Variants in LRRC7 observed in about 807,000 individuals in gnomAD.
The protein encoded by LRRC7 is leucine-rich repeat-containing protein 7.
A neutral mutation model predicts 175.7 loss-of-function variants in LRRC7; 23 were observed. That is an observed-to-expected ratio of 0.13 (90% CI 0.09 to 0.19). The LOEUF (loss-of-function observed/expected upper bound fraction) is 0.19. Among genes scored for constraint, LRRC7 ranks in the 10% least tolerant of loss-of-function variants. The pLI, the probability that LRRC7 is intolerant of heterozygous loss-of-function variation, is 1.00. For missense variants in LRRC7, 1,354 were observed against 1,904.7 expected, an observed-to-expected ratio of 0.71 and a Z score of 5.38; for synonymous variants, 685 against 680.9, an observed-to-expected ratio of 1.01 and a Z score of -0.09.
rs1451883549 is a variant in LRRC7, at chr1:70,128,047, C to G, written c.*6160C>G. ...CGCTATCTTGGCTCACTGTAACTTC[C>G]ACCTCCCGAGTTCAGGCAATTCTCA... On this transcript the variant is annotated 3_prime_UTR_variant, in exon 27 of 27. Transcript: ENST00000651989. Among the ~76,000 whole-genome samples the G allele has an allele frequency of 6.6e-6, 1 of 152,090 alleles. No homozygotes were observed. The highest frequency in any genetic ancestry group is 1.5e-5 in the Non-Finnish European group (1 of 68,028).
At chr1:69,597,099 C>G (rs747330919) in intron 1 of LRRC7, among the ~76,000 whole-genome samples, 32 of 152,098 alleles carry the variant, frequency 2.1e-4, no homozygotes, top group Non-Finnish European at 4.4e-4. Flanking sequence ...CTTATTGGAG[C>G]AGTAATCAAA....
At chr1:70,117,979 AT>A (rs1054229188) in intron 26 of LRRC7, among the ~76,000 whole-genome samples, 28 of 152,004 alleles carry the variant, frequency 1.8e-4, no homozygotes, top group Non-Finnish European at 3.4e-4. Flanking sequence ...ATATGCATTT[AT>A]TTTTTCAAAG....
intron 4 of LRRC7, among the ~76,000 whole-genome samples, chr1:69,797,028 C>G: frequency 6.6e-6 from 1 of 152,242 alleles, no homozygotes; most frequent in Non-Finnish European, 1.5e-5. Context: ...ATTTATTTCT[C>G]TGTTTGGAAC....
intron 3 of LRRC7, among the ~76,000 whole-genome samples, chr1:69,783,389 C>G (rs891329319): frequency 5.3e-5 from 8 of 152,168 alleles, no homozygotes; most frequent in African/African-American, 1.9e-4. Flanking sequence ...AGAAACTAAC[C>G]CACACTTAAG....
intron 1 of LRRC7, among the ~76,000 whole-genome samples, chr1:69,578,622 A>G (rs1646058450): frequency 6.6e-6 from 1 of 151,840 alleles, no homozygotes; most frequent in South Asian, 2.1e-4. Context: ...ATAAAAAATA[A>G]TGAGTTCATG....
At chr1:70,058,608 T>G (rs1393493369) in intron 23 of LRRC7, among the ~76,000 whole-genome samples, 4 of 152,230 alleles carry the variant, frequency 2.6e-5, no homozygotes, top group Admixed American at 2.0e-4. Context: ...CATAAGGCAT[T>G]GTGTTAAATG....
chr1:69,649,626 A>T (rs10889844), intron 1 of LRRC7, among the ~76,000 whole-genome samples: 13,815 of 152,266 alleles, frequency 0.091, 710 homozygotes, highest in Non-Finnish European at 0.1. Context: ...AAAGATGTCA[A>T]CAAAGAGACC....
intron 8 of LRRC7, among the ~76,000 whole-genome samples, chr1:69,961,788 A>G (rs1651115340): frequency 1.3e-5 from 2 of 152,240 alleles, no homozygotes. Context: ...CCATATGCAG[A>G]AAGTTGAAGC....
intron 7 of LRRC7, among the ~76,000 whole-genome samples, chr1:69,888,711 G>C (rs931940339): frequency 6.6e-6 from 1 of 152,060 alleles, no homozygotes. Flanking sequence ...CTCATTTATA[G>C]GTGGAATCTA....
intron 1 of LRRC7, among the ~76,000 whole-genome samples, chr1:69,651,452 G>T (rs1294315109): frequency 6.6e-6 from 1 of 152,116 alleles, no homozygotes; most frequent in South Asian, 2.1e-4. Context: ...ATCTACCAAA[G>T]TTATTTTTAA....
rs773313517 is a variant in LRRC7 at position 70,011,764 on chromosome 1, T to C, written c.1005-33T>C. 6.8e-6 allele frequency: 10 copies of C among 1,466,056 alleles called. No homozygotes were observed. The African/African-American group carries it at 1.3e-4, about 19-fold the overall frequency. The allele number at this position is 1,466,056 out of a possible 1,614,324, so 90.8% of individuals were successfully genotyped here. Reference sequence around the variant, plus strand: ...TCAAAACATTTTGCTATCTAACTTTTAAAATGTCTAACTAATGTATTTAAC... The same window carrying C: ...TCAAAACATTTTGCTATCTAACTTTCAAAATGTCTAACTAATGTATTTAAC... On this transcript the variant is annotated intron_variant, in intron 11 of 26. Coordinates refer to ENST00000651989, the MANE Select transcript of LRRC7 (RefSeq NM_001370785.2).
At position 70,122,769 on chromosome 1, in the gene LRRC7, C is replaced by G. The variant is rs17510099; in HGVS notation, c.*882C>G. 1,031 of 152,504 alleles carry G rather than the reference C, an allele frequency of 6.8e-3. 7 individuals are homozygous for G. The highest frequency in any genetic ancestry group is 0.011 in the Non-Finnish European group (716 of 67,936). The allele number at this position is 152,504 out of a possible 1,614,324, so 9.4% of individuals were successfully genotyped here. ...CTTTCAAGTTCATGTTGATTATAAACTGTAGCCCCTGTGATTTCTTTACTT... is the reference window on the plus strand; with the variant it reads ...CTTTCAAGTTCATGTTGATTATAAAGTGTAGCCCCTGTGATTTCTTTACTT... On this transcript the variant is annotated 3_prime_UTR_variant, in exon 27 of 27. Transcript: ENST00000651989.
intron 5 of LRRC7, among the ~76,000 whole-genome samples, chr1:69,826,741 G>A (rs779794989): frequency 5.9e-5 from 9 of 152,086 alleles, no homozygotes; most frequent in Non-Finnish European, 1.0e-4. Flanking sequence ...AGGAGGCTAG[G>A]GGAAACCGAA....
chr1:69,671,462 G>A (rs898108250), intron 1 of LRRC7, among the ~76,000 whole-genome samples: 2 of 152,126 alleles, frequency 1.3e-5, no homozygotes, highest in Non-Finnish European at 2.9e-5. Flanking sequence ...GCAGCCTGGG[G>A]TTAGAGGAGA....
intron 7 of LRRC7, among the ~76,000 whole-genome samples, chr1:69,928,594 C>T (rs542720994): frequency 6.6e-6 from 1 of 152,332 alleles, no homozygotes; most frequent in Non-Finnish European, 1.5e-5. Flanking sequence ...ACTCCGTGGG[C>T]GTAGGACCCT....
chr1:69,829,047 A>G (rs1250607329), intron 5 of LRRC7, among the ~76,000 whole-genome samples: 1 of 152,026 alleles, frequency 6.6e-6, no homozygotes, highest in African/African-American at 2.4e-5. Flanking sequence ...TTATTGAAAC[A>G]TCAAAATAAA....
intron 14 of LRRC7, among the ~76,000 whole-genome samples, chr1:70,017,430 A>G (rs2101965890): frequency 6.6e-6 from 1 of 152,328 alleles, no homozygotes; most frequent in East Asian, 1.9e-4. Flanking sequence ...ACAAGAAACC[A>G]TTGAAGATAA....
intron 21 of LRRC7, among the ~76,000 whole-genome samples, 172 bp from the exon 22 acceptor site, chr1:70,043,782 A>G (rs1434642104): frequency 1.3e-5 from 2 of 152,182 alleles, no homozygotes; most frequent in Admixed American, 1.3e-4. Context: ...CATTATGTGC[A>G]TAACTAACAC....
chr1:69,663,017 G>A (rs1832714), intron 1 of LRRC7, among the ~76,000 whole-genome samples: 7 of 152,218 alleles, frequency 4.6e-5, no homozygotes, highest in Non-Finnish European at 1.0e-4. Context: ...TGGATGGTCA[G>A]AGTGTTGCCC....
Sources: allele counts gnomAD v4.1 joint callset (sites outside exome capture counted in the v4.1 genomes callset), GRCh38; gene constraint gnomAD v4.1.1; transcripts MANE v1.5; gene names NCBI Gene and HGNC (gene_info 2026-07-23, HGNC 2026-07-21).